ROBO2: variants seen among roughly 807,000 people sequenced by gnomAD.
ROBO2 encodes the protein roundabout guidance receptor 2, also known as roundabout homolog 2.
ROBO2 carries 53 observed loss-of-function variants against 160.8 expected under a neutral mutation model. The ratio of observed to expected loss-of-function variants is 0.33; its 90% confidence interval spans 0.26 to 0.41. The LOEUF (loss-of-function observed/expected upper bound fraction) is 0.41. Among genes scored for constraint, ROBO2 ranks in the 10% least tolerant of loss-of-function variants. The probability of loss-of-function intolerance (pLI) is 1.00; values close to 1 mark genes in which losing one functional copy is unlikely to be tolerated. For missense variants in ROBO2, 1,577 were observed against 1,722.4 expected (o/e 0.92, Z 1.49); for synonymous variants, 664 against 611.7 (o/e 1.09, Z -1.26).
At chr3:76,945,491 T>A (rs2078475632) in intron 2 of ROBO2, among the ~76,000 whole-genome samples, 1 of 152,114 alleles carries the variant, frequency 6.6e-6, no homozygotes, top group Non-Finnish European at 1.5e-5. Flanking sequence ...TTTTGAAAAA[T>A]TTTAGCCAGT....
chr3:77,469,887 C>T (rs923422153), intron 2 of ROBO2, among the ~76,000 whole-genome samples: 1 of 152,204 alleles, frequency 6.6e-6, no homozygotes, highest in African/African-American at 2.4e-5. Context: ...GTTAACTTTT[C>T]TGATACCCTT....
chr3:76,899,046 C>T (rs2075028585), intron 2 of ROBO2, among the ~76,000 whole-genome samples: 1 of 151,974 alleles, frequency 6.6e-6, no homozygotes, highest in African/African-American at 2.4e-5. Context: ...CATGTGTTTC[C>T]AAAATCACCA....
chr3:76,156,699 G>A (rs1330510962), intron 2 of ROBO2, among the ~76,000 whole-genome samples: 2 of 152,248 alleles, frequency 1.3e-5, no homozygotes, highest in African/African-American at 2.4e-5. Context: ...TGGGCGCAGT[G>A]GCTCGCGCCT....
chr3:76,317,637 G>T (rs1344285919), intron 2 of ROBO2, among the ~76,000 whole-genome samples: 1 of 152,076 alleles, frequency 6.6e-6, no homozygotes, highest in Non-Finnish European at 1.5e-5. Context: ...GCAATAAATA[G>T]ATTTAATACC....
At chr3:76,570,681 T>C (rs2084902898) in intron 2 of ROBO2, among the ~76,000 whole-genome samples, 1 of 152,148 alleles carries the variant, frequency 6.6e-6, no homozygotes, top group Admixed American at 6.6e-5. Context: ...TCATTGAAAT[T>C]TAAGGAAGGT....
In ROBO2 at chr3:76,615,405, A is replaced by G. The variant is rs968124585; in HGVS notation, c.110-482609A>G. Among the ~76,000 whole-genome samples, 8 of 152,134 alleles carry G rather than the reference A, an allele frequency of 5.3e-5. 1 individual carries two copies. The highest frequency in any genetic ancestry group is 4.1e-4 in the South Asian group (2 of 4,826). ...GTAACTGAGATCAAATTGTTTAATA[A>G]TAATAATCATCCCCTTCAATAAAGA... On this transcript the variant is annotated intron_variant, in intron 2 of 26. Transcript: ENST00000487694.
chr3:77,326,624 C>G (rs566109356), intron 2 of ROBO2, among the ~76,000 whole-genome samples: 2 of 151,980 alleles, frequency 1.3e-5, no homozygotes, highest in African/African-American at 4.8e-5. Context: ...TATGTGAATG[C>G]GTTTCTTTTT....
intron 2 of ROBO2, among the ~76,000 whole-genome samples, chr3:76,626,240 T>C (rs976754207): frequency 2.0e-5 from 3 of 152,146 alleles, no homozygotes; most frequent in African/African-American, 7.2e-5. Context: ...GATGTTAAGA[T>C]TGTTGTTTTC....
intron 2 of ROBO2, among the ~76,000 whole-genome samples, chr3:77,022,709 T>C (rs1045579734): frequency 6.6e-6 from 1 of 152,196 alleles, no homozygotes; most frequent in African/African-American, 2.4e-5. Context: ...TTGACACTCA[T>C]GATGGGTAAG....
At chr3:77,415,246 C>T (rs932020363) in intron 2 of ROBO2, among the ~76,000 whole-genome samples, 17 of 152,070 alleles carry the variant, frequency 1.1e-4, no homozygotes, top group Admixed American at 3.9e-4. Context: ...TTGAAACTTA[C>T]TGAAATAGAA....
chr3:77,059,797 C>T (rs187566000), intron 1 of ROBO2, among the ~76,000 whole-genome samples: 34 of 152,232 alleles, frequency 2.2e-4, no homozygotes, highest in African/African-American at 7.5e-4. Flanking sequence ...AAAACTCATA[C>T]GTCATGACAT....
intron 2 of ROBO2, among the ~76,000 whole-genome samples, chr3:77,251,274 A>G (rs370198921): frequency 1.2e-4 from 18 of 152,130 alleles, no homozygotes; most frequent in African/African-American, 3.6e-4. Flanking sequence ...TGATGTGGAC[A>G]TCGCCAAGGT....
intron 2 of ROBO2, among the ~76,000 whole-genome samples, chr3:76,793,834 A>G (rs2063519909): frequency 6.6e-6 from 1 of 151,892 alleles, no homozygotes; most frequent in Non-Finnish European, 1.5e-5. Context: ...TTACAAATTC[A>G]CAGAAACATT....
At chr3:76,574,368 A>T (rs920573217) in intron 2 of ROBO2, among the ~76,000 whole-genome samples, 2 of 152,150 alleles carry the variant, frequency 1.3e-5, no homozygotes, top group Non-Finnish European at 2.9e-5. Flanking sequence ...TATCCTAAAA[A>T]GTAAACCCAT....
rs200963053 is a variant in ROBO2 at position 77,564,945 on chromosome 3, G to A, written c.1683-9G>A. 8.7e-6 allele frequency: 14 copies of A among 1,612,402 alleles called. No individual in the cohort carries two copies. Among genetic ancestry groups the A allele is most frequent in the East Asian group, 2.2e-5 (1 of 44,702 alleles). ...TGTTCTTTAAATGAAATTTCTGTTC[G>A]CGTTTCAGCCAATCAGTGAGCAACA... is the stretch of plus-strand genomic sequence containing the variant. On this transcript the variant is annotated splice_polypyrimidine_tract_variant and intron_variant, in intron 11 of 25. Coordinates refer to ENST00000461745, the Ensembl canonical transcript of ROBO2.
At chr3:76,972,072 T>C (rs1355543683) in intron 2 of ROBO2, among the ~76,000 whole-genome samples, 1 of 152,220 alleles carries the variant, frequency 6.6e-6, no homozygotes, top group Non-Finnish European at 1.5e-5. Context: ...TTTTCTTTTT[T>C]CAGTCTTTAA....
intron 2 of ROBO2, among the ~76,000 whole-genome samples, chr3:77,412,916 T>A (rs922389053): frequency 7.2e-5 from 11 of 152,120 alleles, no homozygotes; most frequent in African/African-American, 2.4e-4. Context: ...TCATTTATTT[T>A]AAAAAAATAC....
At chr3:77,382,320 C>T (rs1050877482) in intron 2 of ROBO2, among the ~76,000 whole-genome samples, 6 of 148,014 alleles carry the variant, frequency 4.1e-5, no homozygotes, top group African/African-American at 1.2e-4. Flanking sequence ...TAAATTACAT[C>T]GTTGAAATAG....
intron 2 of ROBO2, among the ~76,000 whole-genome samples, chr3:76,041,431 A>G (rs998671136): frequency 1.3e-5 from 2 of 151,990 alleles, no homozygotes; most frequent in African/African-American, 4.8e-5. Flanking sequence ...GTTACTTGGA[A>G]CAGATTTTCT....
Sources: gnomAD v4.1 joint callset for allele counts (sites outside exome capture counted in the v4.1 genomes callset) on GRCh38, gnomAD v4.1.1 for gene constraint, MANE v1.5 for transcripts, NCBI Gene and HGNC (gene_info 2026-07-23, HGNC 2026-07-21) for gene names.